The following ETF1 variants were observed in gnomAD, a reference collection of about 807,000 sequenced individuals.
ETF1 encodes the protein eukaryotic translation termination factor 1.
In ETF1, 4 loss-of-function variants were observed where a neutral mutation model predicts 55.1. That is an observed-to-expected ratio of 0.07 (90% CI 0.04 to 0.17). The LOEUF (loss-of-function observed/expected upper bound fraction) is 0.17. Ranked by LOEUF, ETF1 falls within the 10% of genes least tolerant of loss-of-function variation. ETF1 has a pLI of 1.00. For synonymous variants in ETF1, 157 were observed against 182.3 expected (o/e 0.86, Z 1.12); for missense variants, 142 against 523.6 (o/e 0.27, Z 7.11).
At chr5:138,536,323 G>C (rs1765927570) in intron 2 of ETF1, among the ~76,000 whole-genome samples, 1 of 152,328 alleles carries the variant, frequency 6.6e-6, no homozygotes, top group East Asian at 1.9e-4. Context: ...ATAAGAACCA[G>C]TTGCCAGGCA....
chr5:138,542,800 G>C, intron 2 of ETF1, 33 bp downstream of exon 2: 1 of 1,609,574 alleles, frequency 6.2e-7, no homozygotes. Flanking sequence ...CGGGAACCAA[G>C]AGGGCACGGA....
At chr5:138,534,439 C>T (rs1488547900) in intron 2 of ETF1, among the ~76,000 whole-genome samples, 37 of 152,210 alleles carry the variant, frequency 2.4e-4, no homozygotes, top group Admixed American at 6.5e-5. Context: ...AACCAGTGTT[C>T]GGGATTCATT....
intron 2 of ETF1, among the ~76,000 whole-genome samples, chr5:138,521,626 A>C (rs1388382127): frequency 6.6e-6 from 1 of 152,164 alleles, no homozygotes; most frequent in Non-Finnish European, 1.5e-5. Context: ...TCCTAGGTTC[A>C]AGCGATTCTC....
intron 2 of ETF1, chr5:138,529,635 G>A: frequency 1.0e-6 from 1 of 985,378 alleles, no homozygotes; most frequent in Non-Finnish European, 1.2e-6. Flanking sequence ...GGGCACTTTG[G>A]CTTATCAAAG....
At chr5:138,516,631 ACT>A (rs1035092921) in intron 4 of ETF1, among the ~76,000 whole-genome samples, 3 of 152,202 alleles carry the variant, frequency 2.0e-5, no homozygotes, top group Non-Finnish European at 4.4e-5. Context: ...ACAGTGTGAG[ACT>A]CTGTCTCAAA....
intron 4 of ETF1, among the ~76,000 whole-genome samples, 191 bp downstream of exon 4, chr5:138,517,370 A>T (rs1366153347): frequency 7.4e-6 from 1 of 134,360 alleles, no homozygotes; most frequent in African/African-American, 3.8e-5. Context: ...GACTCCGTCT[A>T]AAAAAAAAAT....
chr5:138,523,343 G>GATGA (rs1424880215), intron 2 of ETF1, among the ~76,000 whole-genome samples: 1 of 150,646 alleles, frequency 6.6e-6, no homozygotes, highest in East Asian at 2.0e-4. Context: ...CTGCAGCCTG[G>GATGA]ATGACAGAGC....
intron 2 of ETF1, among the ~76,000 whole-genome samples, chr5:138,521,998 C>A (rs1765252065): frequency 6.6e-6 from 1 of 152,102 alleles, no homozygotes; most frequent in South Asian, 2.1e-4. Flanking sequence ...AGTTTAGTCA[C>A]AACATGGATA....
intron 2 of ETF1, chr5:138,529,547 C>A (rs1027798536): frequency 2.6e-5 from 25 of 975,162 alleles, no homozygotes; most frequent in African/African-American, 8.8e-5. Context: ...AAACAAGAGA[C>A]AACATACAGC....
At chr5:138,512,543 T>C (rs942540639) in intron 6 of ETF1, among the ~76,000 whole-genome samples, 1 of 151,990 alleles carries the variant, frequency 6.6e-6, no homozygotes, top group Non-Finnish European at 1.5e-5. Flanking sequence ...ACAGGATCCA[T>C]AAGAAGCCCA....
chr5:138,518,623 A>G, intron 3 of ETF1, 69 bp downstream of exon 3: 2 of 1,322,594 alleles, frequency 1.5e-6, no homozygotes, highest in Non-Finnish European at 2.1e-6. Flanking sequence ...ACAAAGCACC[A>G]TAGCAGCATC....
rs57906231 is a variant in ETF1 at position 138,510,357 on chromosome 5, C to CAAAAA, written c.1083+203_1083+207dup. ...TGGGCAACAGAGCAAGACCTTGTCT[C>CAAAAA]AAAAAAAAAAAAAAAAAAAAAAAAA... On this transcript the variant is annotated intron_variant, in intron 9 of 10. Coordinates refer to ENST00000360541, the MANE Select transcript of ETF1 (RefSeq NM_004730.4). Among the ~76,000 whole-genome samples the CAAAAA allele has an allele frequency of 2.0e-4, 13 of 64,802 alleles. 1 individual carries two copies. Among genetic ancestry groups the CAAAAA allele is most frequent in the South Asian group, 6.1e-4 (1 of 1,642 alleles). The allele number at this position is 64,802 out of a possible 152,430, so 42.5% of individuals were successfully genotyped here.
At chr5:138,534,262 G>A (rs1051776997) in intron 2 of ETF1, among the ~76,000 whole-genome samples, 1 of 152,100 alleles carries the variant, frequency 6.6e-6, no homozygotes, top group East Asian at 1.9e-4. Context: ...GTACACATCT[G>A]GTAGAGTGTG....
rs201296360 is a variant in ETF1, at chr5:138,510,652, T to C, written c.1019-23A>G. On this transcript the variant is annotated intron_variant, in intron 8 of 10. Coordinates refer to ENST00000360541, the MANE Select transcript of ETF1 (RefSeq NM_004730.4). Reference sequence around the variant, plus strand: ...CCTCTGTAGTATTAGGAGGAAAAAATGTGTTAACCTGGCTCTCATATACTA... The same window carrying C: ...CCTCTGTAGTATTAGGAGGAAAAAACGTGTTAACCTGGCTCTCATATACTA... 8.7e-5 allele frequency: 140 copies of C among 1,612,880 alleles called. 1 individual carries two copies. The East Asian group carries it at 2.1e-3, about 24-fold the overall frequency.
At chr5:138,513,950 G>C (rs915583992) in intron 4 of ETF1, 4 of 905,278 alleles carry the variant, frequency 4.4e-6, no homozygotes, top group Non-Finnish European at 5.3e-6. Context: ...ATTTGACATG[G>C]GCATGTAAAT....
At chr5:138,529,708 A>C in intron 2 of ETF1, 1 of 984,672 alleles carries the variant, frequency 1.0e-6, no homozygotes, top group Non-Finnish European at 1.2e-6. Flanking sequence ...AAAAAAAGGA[A>C]TTGTAACAGA....
At position 138,509,071 on chromosome 5, in the gene ETF1, G is replaced by A. The variant is rs1294383305; in HGVS notation, c.1084-255C>T. 3 of 985,164 alleles carry A rather than the reference G, an allele frequency of 3.0e-6. No homozygotes were observed. The Admixed American group carries it at 1.8e-4, about 61-fold the overall frequency. 61.0% of individuals were successfully genotyped at this position (985,164 alleles called of 1,614,324 possible). A position where few individuals can be genotyped will look rare whatever the true frequency, so the allele number is the denominator to read the frequency against. ...AAATACCAACACAAAAACTCAGTGG[G>A]TATTCAGCTTATGATTCCTACTGTT... On this transcript the variant is annotated intron_variant, in intron 9 of 10. Coordinates refer to ENST00000360541, the MANE Select transcript of ETF1 (RefSeq NM_004730.4).
At chr5:138,516,218 CAA>C (rs1765012898) in intron 4 of ETF1, among the ~76,000 whole-genome samples, 1 of 152,144 alleles carries the variant, frequency 6.6e-6, no homozygotes, top group Admixed American at 6.5e-5. Context: ...TGCAATAACT[CAA>C]AGAGTATAAC....
chr5:138,525,311 C>G (rs572450460), intron 2 of ETF1, among the ~76,000 whole-genome samples: 2 of 152,000 alleles, frequency 1.3e-5, no homozygotes, highest in East Asian at 3.9e-4. Context: ...GCGTGCGCCA[C>G]CACGCCTGGC....
Sources: gnomAD v4.1 joint callset for allele counts (sites outside exome capture counted in the v4.1 genomes callset) on GRCh38, gnomAD v4.1.1 for gene constraint, MANE v1.5 for transcripts, NCBI Gene and HGNC (gene_info 2026-07-23, HGNC 2026-07-21) for gene names.